FAM135B: variants seen among roughly 807,000 people sequenced by gnomAD.
The protein encoded by FAM135B is protein FAM135B.
Under a neutral mutation model 127.7 loss-of-function variants are expected in FAM135B, and 43 were observed. That is an observed-to-expected ratio of 0.34 (90% CI 0.26 to 0.43). FAM135B has a LOEUF of 0.43. FAM135B is among the 20% of genes least tolerant of loss of function. The pLI, the probability that FAM135B is intolerant of heterozygous loss-of-function variation, is 1.00. For synonymous variants in FAM135B, 670 were observed against 665.1 expected, an observed-to-expected ratio of 1.01 and a Z score of -0.11; for missense variants, 1,558 against 1,725.6, an observed-to-expected ratio of 0.90 and a Z score of 1.72.
chr8:138,405,332 T>C (rs939777583), intron 1 of FAM135B, among the ~76,000 whole-genome samples: 1 of 150,950 alleles, frequency 6.6e-6, no homozygotes, highest in African/African-American at 2.4e-5. Context: ...AACTCGTCAT[T>C]TAGCATTAGG....
chr8:138,304,900 C>A (rs964929637), intron 3 of FAM135B, among the ~76,000 whole-genome samples: 1 of 152,160 alleles, frequency 6.6e-6, no homozygotes, highest in Non-Finnish European at 1.5e-5. Flanking sequence ...GATGGAAGAG[C>A]CCCTTTTAAG....
At chr8:138,163,042 A>G (rs1444826813) in intron 12 of FAM135B, among the ~76,000 whole-genome samples, 1 of 152,268 alleles carries the variant, frequency 6.6e-6, no homozygotes, top group African/African-American at 2.4e-5. Context: ...AAATGAAAGT[A>G]GCAGAAGATC....
chr8:138,385,333 T>A (rs1832126797), intron 1 of FAM135B, among the ~76,000 whole-genome samples: 1 of 152,154 alleles, frequency 6.6e-6, no homozygotes. Context: ...TCTCTCAGAA[T>A]ATTACCTCCA....
At chr8:138,172,886 T>C (rs915141316) in intron 11 of FAM135B, among the ~76,000 whole-genome samples, 11 of 152,122 alleles carry the variant, frequency 7.2e-5, no homozygotes, top group African/African-American at 2.7e-4. Context: ...CCCTGCCCAC[T>C]CCTCCCCTAC....
intron 7 of FAM135B, among the ~76,000 whole-genome samples, chr8:138,208,363 A>T (rs1817870215): frequency 6.6e-6 from 1 of 152,210 alleles, no homozygotes; most frequent in Non-Finnish European, 1.5e-5. Flanking sequence ...TGTGATCCAG[A>T]AGGCAGGTAT....
intron 2 of FAM135B, among the ~76,000 whole-genome samples, chr8:138,316,500 C>A (rs1403394714): frequency 1.3e-5 from 2 of 150,586 alleles, no homozygotes; most frequent in African/African-American, 4.9e-5. Context: ...TCTCAAAAAA[C>A]AAAAAACAAA....
chr8:138,440,141 T>G (rs901103567), intron 1 of FAM135B: 1 of 152,220 alleles, frequency 6.6e-6, no homozygotes, highest in Non-Finnish European at 1.5e-5. Context: ...GGAACTATAA[T>G]GTTTTCTTTT....
chr8:138,339,021 A>C (rs1444292977), intron 2 of FAM135B, among the ~76,000 whole-genome samples: 1 of 151,452 alleles, frequency 6.6e-6, no homozygotes, highest in Non-Finnish European at 1.5e-5. Flanking sequence ...CAAAAAACCA[A>C]ACACCGCATG....
At chr8:138,293,837 A>C (rs1457846573) in intron 3 of FAM135B, among the ~76,000 whole-genome samples, 2 of 152,202 alleles carry the variant, frequency 1.3e-5, no homozygotes, top group Non-Finnish European at 2.9e-5. Flanking sequence ...AACAGTATGG[A>C]GATTTCTTAA....
chr8:138,351,324 G>A (rs1244997166), intron 2 of FAM135B, among the ~76,000 whole-genome samples: 1 of 152,088 alleles, frequency 6.6e-6, no homozygotes, highest in African/African-American at 2.4e-5. Context: ...CAATCTGACT[G>A]GTGTCCTTAT....
At position 138,197,393 on chromosome 8, in the gene FAM135B, A is replaced by T. The variant is rs183120074; in HGVS notation, c.823+123T>A. On this transcript the variant is annotated intron_variant, in intron 8 of 19. Coordinates refer to ENST00000395297, the MANE Select transcript of FAM135B (RefSeq NM_015912.4). ...GTAGAATAATAAAAATCACAGCCCA[A>T]ACCTACCTGGACCAGGGTTATTCCT... The T allele has an allele frequency of 4.1e-6, 5 of 1,227,762 alleles. No homozygotes were observed. The East Asian group carries it at 1.3e-4, about 31-fold the overall frequency. The allele number at this position is 1,227,762 out of a possible 1,614,324, so 76.1% of individuals were successfully genotyped here.
intron 1 of FAM135B, among the ~76,000 whole-genome samples, chr8:138,481,774 G>T (rs976425677): frequency 5.3e-5 from 8 of 149,634 alleles, no homozygotes; most frequent in African/African-American, 1.9e-4. Flanking sequence ...TGTTCAACTG[G>T]TCTCTCCCAG....
chr8:138,395,828 G>A (rs1280031891), intron 1 of FAM135B, among the ~76,000 whole-genome samples: 9 of 152,186 alleles, frequency 5.9e-5, no homozygotes, highest in African/African-American at 1.4e-4. Flanking sequence ...GGTCTCTGCT[G>A]TTAATTATCT....
intron 12 of FAM135B, among the ~76,000 whole-genome samples, chr8:138,160,974 G>A (rs1227961090): frequency 2.0e-5 from 3 of 152,098 alleles, no homozygotes; most frequent in East Asian, 1.9e-4. Context: ...ATTTACCAGC[G>A]ATGAGACCTT....
intron 2 of FAM135B, among the ~76,000 whole-genome samples, chr8:138,355,001 C>A (rs1192971685): frequency 6.6e-6 from 1 of 152,000 alleles, no homozygotes; most frequent in African/African-American, 2.4e-5. Context: ...CTAATGCTAT[C>A]CCTCCCCCTT....
At position 138,151,395 on chromosome 8, in the gene FAM135B, G is replaced by A. The variant is rs2130727919; in HGVS notation, c.3080C>T (p.Ala1027Val). 1 of 1,613,868 alleles carries A rather than the reference G, an allele frequency of 6.2e-7. No homozygotes were observed. The highest frequency in any genetic ancestry group is 8.5e-7 in the Non-Finnish European group (1 of 1,179,884). The change falls in exon 13 of 20, where the codon GCT becomes GTT. Residue 1027 changes from alanine (A) to valine (V), a missense_variant. Around this residue, in one of 5 missense-constraint regions of FAM135B, gnomAD observed 923 missense variants for 865.3 expected, o/e 1.07. Transcript: ENST00000395297. ...CACAGATAAGTTCACAACCTCCACAGCCTTCAGGCTGTCCAGAGTAAAGGT... is the reference window on the plus strand; with the variant it reads ...CACAGATAAGTTCACAACCTCCACAACCTTCAGGCTGTCCAGAGTAAAGGT... Reference protein sequence around the residue: ...AETFTLDSLKAVEVVNLSVSC... With the variant: ...AETFTLDSLKVVEVVNLSVSC...
At chr8:138,366,990 A>G (rs1434107797) in intron 2 of FAM135B, among the ~76,000 whole-genome samples, 2 of 152,290 alleles carry the variant, frequency 1.3e-5, no homozygotes, top group Non-Finnish European at 2.9e-5. Flanking sequence ...TGGGAGCCCC[A>G]GACCTGTGAG....
intron 11 of FAM135B, among the ~76,000 whole-genome samples, chr8:138,172,413 C>G (rs893228619): frequency 1.3e-5 from 2 of 152,220 alleles, no homozygotes; most frequent in African/African-American, 4.8e-5. Flanking sequence ...GCACTGTCCT[C>G]CTGGGCTGCT....
In FAM135B at chr8:138,352,631, A is replaced by T. The variant is rs577339654; in HGVS notation, c.77+15276T>A. On this transcript the variant is annotated intron_variant, in intron 2 of 19. Coordinates refer to ENST00000395297, the MANE Select transcript of FAM135B (RefSeq NM_015912.4). Reference sequence around the variant, plus strand: ...TCAGTTAGGGTGGAGGGAGACAGAAAGAAATCCCATTTTGGCATCCATGCC... The same window carrying T: ...TCAGTTAGGGTGGAGGGAGACAGAATGAAATCCCATTTTGGCATCCATGCC... 5.9e-5 allele frequency among the ~76,000 whole-genome samples: 9 copies of T among 152,306 alleles called. No individual in the cohort carries two copies. The East Asian group carries it at 1.7e-3, about 29-fold the overall frequency.
Sources: allele counts gnomAD v4.1 joint callset (sites outside exome capture counted in the v4.1 genomes callset), GRCh38; gene constraint gnomAD v4.1.1; regional missense constraint gnomAD v4.1.1; transcripts MANE v1.5; gene names NCBI Gene and HGNC (gene_info 2026-07-23, HGNC 2026-07-21).